The following BBX variants were observed in gnomAD, a reference collection of about 807,000 sequenced individuals.
BBX encodes the protein HMG box transcription factor BBX.
In BBX, 30 loss-of-function variants were observed where a neutral mutation model predicts 100.2. The ratio of observed to expected loss-of-function variants is 0.30; its 90% CI spans 0.22 to 0.41. BBX has a LOEUF of 0.41. Ranked by LOEUF, BBX falls within the 10% of genes least tolerant of loss-of-function variation. The probability of loss-of-function intolerance (pLI) is 1.00; values close to 1 mark genes in which losing one functional copy is unlikely to be tolerated. For missense variants in BBX, 1,023 were observed against 1,129.8 expected (o/e 0.91, Z 1.35); for synonymous variants, 376 against 388.1 (o/e 0.97, Z 0.37).
intron 9 of BBX, among the ~76,000 whole-genome samples, chr3:107,755,179 G>T (rs2065379208): frequency 6.6e-6 from 1 of 152,090 alleles, no homozygotes; most frequent in South Asian, 2.1e-4. Flanking sequence ...AAAATTTGTT[G>T]ACTGACTTGA....
chr3:107,791,607 GA>G (rs1489719638), intron 15 of BBX, among the ~76,000 whole-genome samples: 1 of 152,176 alleles, frequency 6.6e-6, no homozygotes, highest in African/African-American at 2.4e-5. Context: ...GTTGCAGGCA[GA>G]TGCTTATGCC....
intron 2 of BBX, among the ~76,000 whole-genome samples, chr3:107,576,668 C>T (rs375233143): frequency 1.3e-5 from 2 of 152,006 alleles, no homozygotes; most frequent in East Asian, 1.9e-4. Context: ...CTTTTTGACA[C>T]TCAATATTTT....
At chr3:107,604,518 TG>T (rs1426979274) in intron 2 of BBX, among the ~76,000 whole-genome samples, 1 of 152,132 alleles carries the variant, frequency 6.6e-6, no homozygotes, top group African/African-American at 2.4e-5. Context: ...TCTAGATGTC[TG>T]GGGCCCAGCA....
chr3:107,566,175 C>CAAAAAAAAAAAAAAAAAAAAAAAAAAA (rs754905445), intron 2 of BBX, among the ~76,000 whole-genome samples: 1 of 53,066 alleles, frequency 1.9e-5, no homozygotes, highest in African/African-American at 7.1e-5. Flanking sequence ...AACTCTGTCT[C>CAAAAAAAAAAAAAAAAAAAAAAAAAAA]AAAAAAAAAA....
chr3:107,740,096 T>G (rs1450332397), intron 7 of BBX, among the ~76,000 whole-genome samples: 1 of 151,954 alleles, frequency 6.6e-6, no homozygotes, highest in Non-Finnish European at 1.5e-5. Flanking sequence ...AGCTCAACTC[T>G]ATGTGGTGCT....
intron 7 of BBX, among the ~76,000 whole-genome samples, chr3:107,743,887 T>C (rs1324362894): frequency 6.7e-6 from 1 of 148,432 alleles, no homozygotes; most frequent in African/African-American, 2.5e-5. Flanking sequence ...GGAGGTAACA[T>C]TGTAGGTGAT....
At chr3:107,619,558 T>A (rs2055580203) in intron 2 of BBX, among the ~76,000 whole-genome samples, 1 of 152,106 alleles carries the variant, frequency 6.6e-6, no homozygotes, top group African/African-American at 2.4e-5. Context: ...TCCTTTCTGA[T>A]GAATATCAGG....
chr3:107,629,077 C>T (rs1261395036), intron 2 of BBX, among the ~76,000 whole-genome samples: 3 of 152,014 alleles, frequency 2.0e-5, no homozygotes, highest in African/African-American at 2.4e-5. Flanking sequence ...GTTAAGCTTC[C>T]CCTCCCCACC....
intron 7 of BBX, among the ~76,000 whole-genome samples, chr3:107,744,128 C>T (rs1351780496): frequency 6.6e-6 from 1 of 151,958 alleles, no homozygotes; most frequent in Admixed American, 6.6e-5. Flanking sequence ...CTGTTGTCAG[C>T]TTTCATTAGT....
chr3:107,790,388 C>T (rs1254872241), intron 14 of BBX, among the ~76,000 whole-genome samples: 2 of 152,114 alleles, frequency 1.3e-5, no homozygotes, highest in East Asian at 1.9e-4. Flanking sequence ...CACCCCCCCT[C>T]GTTTGCCAGG....
At chr3:107,535,449 G>A (rs151062203) in intron 2 of BBX, among the ~76,000 whole-genome samples, 1 of 151,082 alleles carries the variant, frequency 6.6e-6, no homozygotes, top group Middle Eastern at 3.4e-3. Flanking sequence ...CTTTCTAGTT[G>A]GTATATCTAG....
At chr3:107,729,370 C>CA (rs1487665548) in intron 6 of BBX, among the ~76,000 whole-genome samples, 4 of 152,114 alleles carry the variant, frequency 2.6e-5, no homozygotes, top group Non-Finnish European at 5.9e-5. Context: ...GTGTTGGAAA[C>CA]ATTGAGGGCA....
chr3:107,532,961 G>A (rs2048264113), intron 2 of BBX, among the ~76,000 whole-genome samples: 1 of 151,878 alleles, frequency 6.6e-6, no homozygotes, highest in African/African-American at 2.4e-5. Context: ...TATCTAAAAA[G>A]CTCTGAAAAA....
chr3:107,792,234 A>G lies in BBX; in HGVS notation c.2353+935A>G, dbSNP rs370181764. Reference sequence around the variant, plus strand: ...TTTTTTTCATTGCAGATATTTTAAAAGAGCTGACATTTTTGTAGGGCTTAA... The same window carrying G: ...TTTTTTTCATTGCAGATATTTTAAAGGAGCTGACATTTTTGTAGGGCTTAA... On this transcript the variant is annotated intron_variant, in intron 15 of 17. Transcript: ENST00000325805. Among the ~76,000 whole-genome samples the G allele has an allele frequency of 7.0e-4, 107 of 152,314 alleles. 3 individuals carry two copies. The South Asian group carries it at 0.022, about 32-fold the overall frequency.
chr3:107,580,535 A>G (rs2052192829), intron 2 of BBX, among the ~76,000 whole-genome samples: 1 of 152,194 alleles, frequency 6.6e-6, no homozygotes, highest in Non-Finnish European at 1.5e-5. Flanking sequence ...ATTTTAGTTT[A>G]ATCTTAATAT....
In BBX at chr3:107,791,232, GT is replaced by G; in HGVS notation, c.2294-3del. On this transcript the variant is annotated splice_polypyrimidine_tract_variant and splice_region_variant and intron_variant, in intron 14 of 17. Transcript: ENST00000325805. ...CACTTTTCTTTCCTTTTCTGTCATT[GT>G]TTTTAGGAAGTGGGGATAAATGGTC... is the stretch of plus-strand genomic sequence containing the variant. The G allele has an allele frequency of 6.2e-7, 1 of 1,611,452 alleles. No homozygotes were observed. Among genetic ancestry groups the G allele is most frequent in the Non-Finnish European group, 8.5e-7 (1 of 1,178,178 alleles).
Position 107,654,356 on chromosome 3 carries a change from T to C in BBX, c.-10+8447T>C, listed in dbSNP as rs76741322. Among the ~76,000 whole-genome samples the C allele has an allele frequency of 5.6e-3, 847 of 152,322 alleles. 7 individuals carry two copies. The highest frequency in any genetic ancestry group is 0.02 in the African/African-American group (814 of 41,578). On this transcript the variant is annotated intron_variant, in intron 3 of 17. Coordinates refer to ENST00000325805, the MANE Select transcript of BBX (RefSeq NM_001142568.3). Reference sequence around the variant, plus strand: ...AAAAGATATATCTTTCTAATAAGGCTATTATATCTTATTGATAGTAGAAGT... The same window carrying C: ...AAAAGATATATCTTTCTAATAAGGCCATTATATCTTATTGATAGTAGAAGT...
intron 2 of BBX, among the ~76,000 whole-genome samples, chr3:107,607,508 C>T (rs148302494): frequency 0.01 from 1,587 of 152,264 alleles, 32 homozygotes; most frequent in African/African-American, 0.036. Context: ...AGTAGTGCTG[C>T]AGTAAACATG....
chr3:107,654,441 T>G (rs1206972205), intron 3 of BBX, among the ~76,000 whole-genome samples: 1 of 152,172 alleles, frequency 6.6e-6, no homozygotes, highest in African/African-American at 2.4e-5. Context: ...TAGATTTTTT[T>G]TTTACTGGCT....
Sources: gnomAD v4.1 joint callset for allele counts (sites outside exome capture counted in the v4.1 genomes callset) on GRCh38, gnomAD v4.1.1 for gene constraint, MANE v1.5 for transcripts, NCBI Gene and HGNC (gene_info 2026-07-23, HGNC 2026-07-21) for gene names.